PHACTR4: variants seen among roughly 807,000 people sequenced by gnomAD.
PHACTR4 encodes the protein protein phosphatase 1, regulatory subunit 124.
PHACTR4 carries 51 observed loss-of-function variants against 72.7 expected under a neutral mutation model. That is an observed-to-expected ratio of 0.70 (90% confidence interval 0.56 to 0.89). PHACTR4 has a LOEUF of 0.89. Among genes scored for constraint, PHACTR4 ranks in the 40% least tolerant of loss-of-function variants. The probability of loss-of-function intolerance (pLI) is 0.00; values close to 1 mark genes in which losing one functional copy is unlikely to be tolerated. For missense variants in PHACTR4, 731 were observed against 861.8 expected, an observed-to-expected ratio of 0.85 and a Z score of 1.90; for synonymous variants, 255 against 302.5, an observed-to-expected ratio of 0.84 and a Z score of 1.63.
intron 9 of PHACTR4, among the ~76,000 whole-genome samples, chr1:28,488,832 T>C (rs1660865012): frequency 6.6e-6 from 1 of 152,222 alleles, no homozygotes; most frequent in Non-Finnish European, 1.5e-5. Flanking sequence ...CAAATTTGTT[T>C]AGGAGCCACC....
chr1:28,378,198 T>TAAAAAA (rs60280611), intron 1 of PHACTR4, among the ~76,000 whole-genome samples: 3 of 76,378 alleles, frequency 3.9e-5, no homozygotes, highest in Non-Finnish European at 7.2e-5. Context: ...CTCCATCTCA[T>TAAAAAA]AAAAAAAAAA....
At position 28,459,110 on chromosome 1, in the gene PHACTR4, G is replaced by T. The variant is rs1407964167; in HGVS notation, c.42G>T (p.Glu14Asp). ...AGGAAGCAGACCAGCCCACTACAGAGCCAGGCATGGTCCTGGACAGTGTGG... is the reference window on the plus strand; with the variant it reads ...AGGAAGCAGACCAGCCCACTACAGATCCAGGCATGGTCCTGGACAGTGTGG... Reference protein sequence around the residue: ...PFEEADQPTTEPGMVLDSVEA... With the variant: ...PFEEADQPTTDPGMVLDSVEA... Residue 14 changes from glutamate to aspartate, a missense_variant, in exon 3 of 14, where the codon GAG (glutamate) becomes GAT (aspartate). Coordinates refer to ENST00000373839, the MANE Select transcript of PHACTR4 (RefSeq NM_001048183.3). 2 of 1,612,858 alleles carry T rather than the reference G, an allele frequency of 1.2e-6. No individual in the cohort carries two copies. Among genetic ancestry groups the T allele is most frequent in the African/African-American group, 2.7e-5 (2 of 74,838 alleles).
chr1:28,464,819 T>TCAGTC (rs1289899674), intron 4 of PHACTR4, among the ~76,000 whole-genome samples: 1 of 152,102 alleles, frequency 6.6e-6, no homozygotes, highest in Non-Finnish European at 1.5e-5. Context: ...TTCTCCTGCC[T>TCAGTC]CAGCCTCCTG....
At chr1:28,387,897 T>G (rs1652688116) in intron 1 of PHACTR4, among the ~76,000 whole-genome samples, 1 of 151,986 alleles carries the variant, frequency 6.6e-6, no homozygotes, top group Non-Finnish European at 1.5e-5. Flanking sequence ...CTGGCTAATT[T>G]TTGTATCTTT....
chr1:28,370,006 C>T (rs1426619369), intron 1 of PHACTR4, among the ~76,000 whole-genome samples, 181 bp downstream of exon 1: 2 of 152,170 alleles, frequency 1.3e-5, no homozygotes, highest in East Asian at 1.9e-4. Context: ...CCCTCCTCGG[C>T]CCTCCCACAA....
At chr1:28,462,653 A>G (rs914773496) in intron 4 of PHACTR4, among the ~76,000 whole-genome samples, 5 of 145,680 alleles carry the variant, frequency 3.4e-5, no homozygotes, top group African/African-American at 1.3e-4. Flanking sequence ...GGCATGAGCC[A>G]CCACGCCTGA....
chr1:28,491,855 T>A, intron 12 of PHACTR4, 68 bp downstream of exon 12: 1 of 1,535,102 alleles, frequency 6.5e-7, no homozygotes, highest in South Asian at 1.2e-5. Context: ...GGATCCAAGA[T>A]ACTAACTAGA....
At chr1:28,496,494 A>G in intron 13 of PHACTR4, 40 bp from the exon 14 acceptor site, 1 of 1,608,148 alleles carries the variant, frequency 6.2e-7, no homozygotes, top group South Asian at 1.1e-5. Flanking sequence ...AAAGCAATGT[A>G]CATCATGTGG....
chr1:28,423,167 C>G (rs1655617143), intron 2 of PHACTR4, among the ~76,000 whole-genome samples: 1 of 152,176 alleles, frequency 6.6e-6, no homozygotes, highest in Non-Finnish European at 1.5e-5. Context: ...AATCCCAGCA[C>G]TCTGGGAGGC....
At chr1:28,473,216 C>T (rs1191515487) in intron 6 of PHACTR4, among the ~76,000 whole-genome samples, 1 of 144,582 alleles carries the variant, frequency 6.9e-6, no homozygotes, top group African/African-American at 2.6e-5. Flanking sequence ...GCAGAGGTTG[C>T]GGTAAGCCAA....
chr1:28,405,716 C>G (rs1654274235), intron 1 of PHACTR4, among the ~76,000 whole-genome samples: 1 of 151,564 alleles, frequency 6.6e-6, no homozygotes. Flanking sequence ...CATGGTGAAA[C>G]TCTGTCTCTA....
rs1659177731 is a variant in PHACTR4 at position 28,466,523 on chromosome 1, G to C, written c.578G>C (p.Gly193Ala). ...CAAGCAAAGGATGCCACTTCCTCTG[G>C]CGGCACGGCAAGGTTCATCATCTCC... ...EGQAKDATSS[G>A]GTARFIISTS... Residue 193 changes from glycine to alanine, a missense_variant, in exon 6 of 14, where the codon GGC becomes GCC. Gly to Ala is a moderately conservative substitution (Grantham distance 60). Around this residue, in one of 2 missense-constraint regions of PHACTR4, gnomAD observed 621 missense variants for 676.6 expected, o/e 0.92. Coordinates refer to ENST00000373839, the MANE Select transcript of PHACTR4 (RefSeq NM_001048183.3). 6.2e-7 allele frequency: 1 copy of C among 1,614,018 alleles called. No homozygotes were observed. Among genetic ancestry groups the C allele is most frequent in the Admixed American group, 1.7e-5 (1 of 59,972 alleles).
intron 1 of PHACTR4, among the ~76,000 whole-genome samples, chr1:28,405,033 T>C (rs1654221026): frequency 6.6e-6 from 1 of 152,150 alleles, no homozygotes. Context: ...TCATAATGGG[T>C]GTAAAGTGTT....
intron 13 of PHACTR4, among the ~76,000 whole-genome samples, chr1:28,495,189 C>A (rs778414113): frequency 6.6e-6 from 1 of 152,140 alleles, no homozygotes; most frequent in Non-Finnish European, 1.5e-5. Context: ...TACTGAGCAC[C>A]TACCACGATA....
In PHACTR4 at chr1:28,458,109, TG is replaced by T. The variant is rs1553197774; in HGVS notation, c.17-975del. On this transcript the variant is annotated intron_variant, in intron 2 of 13. Coordinates refer to ENST00000373839, the MANE Select transcript of PHACTR4 (RefSeq NM_001048183.3). ...TCCTTAATATTATGGTGTGTGTGTT[TG>T]TGTGTGTGTGTGTGTGTGTGTGTGT... Among the ~76,000 whole-genome samples, 27 of 7,306 alleles carry T rather than the reference TG, an allele frequency of 3.7e-3. No individual in the cohort carries two copies. The African/African-American group carries it at 0.038, about 10-fold the overall frequency. The allele number at this position is 7,306 out of a possible 152,430, so 4.8% of individuals were successfully genotyped here.
chr1:28,402,119 G>C (rs909534906), intron 1 of PHACTR4, among the ~76,000 whole-genome samples: 3 of 152,156 alleles, frequency 2.0e-5, no homozygotes, highest in Admixed American at 2.0e-4. Context: ...AGAAAGAGAA[G>C]AGTCAAGGAT....
intron 1 of PHACTR4, among the ~76,000 whole-genome samples, chr1:28,398,853 G>A (rs1653733185): frequency 1.3e-5 from 2 of 151,910 alleles, no homozygotes; most frequent in East Asian, 2.0e-4. Flanking sequence ...ATTAAATACT[G>A]ATATTCAAAA....
intron 4 of PHACTR4, among the ~76,000 whole-genome samples, chr1:28,464,228 A>T (rs1322759931): frequency 2.6e-5 from 4 of 152,070 alleles, no homozygotes; most frequent in Non-Finnish European, 5.9e-5. Context: ...GGCCTCCCAG[A>T]GTGTTGGGAT....
intron 1 of PHACTR4, among the ~76,000 whole-genome samples, chr1:28,372,832 A>T (rs1239346889): frequency 6.6e-6 from 1 of 150,502 alleles, no homozygotes; most frequent in East Asian, 1.9e-4. Context: ...AGCCTGGGCG[A>T]CAGAGGGAGA....
Sources: allele counts gnomAD v4.1 joint callset (sites outside exome capture counted in the v4.1 genomes callset), GRCh38; gene constraint gnomAD v4.1.1; regional missense constraint gnomAD v4.1.1; transcripts MANE v1.5; gene names NCBI Gene and HGNC (gene_info 2026-07-23, HGNC 2026-07-21).